NUBPL: variants seen among roughly 807,000 people sequenced by gnomAD.
NUBPL encodes iron-sulfur cluster transfer protein NUBPL.
In NUBPL, 31 loss-of-function variants were observed where a neutral mutation model predicts 45.7. That is an observed-to-expected ratio of 0.68 (90% CI 0.51 to 0.92). NUBPL has a LOEUF of 0.92. Ranked by LOEUF, NUBPL falls within the 40% of genes least tolerant of loss-of-function variation. NUBPL has a pLI of 0.00. For synonymous variants in NUBPL, 144 were observed against 140.9 expected (o/e 1.02, Z -0.15); for missense variants, 401 against 398.7 (o/e 1.01, Z -0.05).
intron 4 of NUBPL, among the ~76,000 whole-genome samples, chr14:31,613,718 A>G (rs951330174): frequency 8.6e-5 from 13 of 152,044 alleles, no homozygotes; most frequent in Admixed American, 5.9e-4. Flanking sequence ...AGCCTCCCAA[A>G]GTGCTGGGAT....
At chr14:31,570,783 G>A (rs192979792) in intron 3 of NUBPL, among the ~76,000 whole-genome samples, 27 of 152,264 alleles carry the variant, frequency 1.8e-4, no homozygotes, top group African/African-American at 6.5e-4. Flanking sequence ...CCCAAGTGCT[G>A]TGTTAGTTCT....
chr14:31,793,258 T>C (rs1482679410), intron 7 of NUBPL, among the ~76,000 whole-genome samples: 8 of 152,138 alleles, frequency 5.3e-5, no homozygotes. Flanking sequence ...TCCTTTTACT[T>C]TCCAGAATAT....
At chr14:31,849,028 G>T (rs563097934) in intron 9 of NUBPL, among the ~76,000 whole-genome samples, 1 of 152,242 alleles carries the variant, frequency 6.6e-6, no homozygotes, top group African/African-American at 2.4e-5. Flanking sequence ...TTAATGAAAA[G>T]CTGATCCTTA....
At chr14:31,791,694 C>T (rs1430889570) in intron 7 of NUBPL, among the ~76,000 whole-genome samples, 3 of 152,042 alleles carry the variant, frequency 2.0e-5, no homozygotes, top group Admixed American at 2.0e-4. Context: ...GACATCTAAA[C>T]CCAGGCTATG....
intron 2 of NUBPL, 63 bp from the exon 3 acceptor site, chr14:31,564,951 G>A: frequency 1.2e-6 from 1 of 847,528 alleles, no homozygotes; most frequent in Non-Finnish European, 1.9e-6. Flanking sequence ...AATATTAAAA[G>A]ATAAAATGAA....
chr14:31,564,358 G>T (rs1422869527), intron 2 of NUBPL, among the ~76,000 whole-genome samples: 1 of 152,004 alleles, frequency 6.6e-6, no homozygotes, highest in Admixed American at 6.6e-5. Flanking sequence ...TTATGAATTA[G>T]ATACTTGGAA....
intron 4 of NUBPL, among the ~76,000 whole-genome samples, chr14:31,628,566 T>C (rs2035265905): frequency 6.6e-6 from 1 of 152,204 alleles, no homozygotes; most frequent in Non-Finnish European, 1.5e-5. Context: ...TCCAACTGTG[T>C]TCTTTGAAGT....
intron 7 of NUBPL, among the ~76,000 whole-genome samples, chr14:31,807,290 C>T (rs549877289): frequency 6.6e-6 from 1 of 152,144 alleles, no homozygotes; most frequent in African/African-American, 2.4e-5. Context: ...TCTGTTGTTT[C>T]CTGACTTTTT....
chr14:31,647,179 C>G (rs943773726), intron 4 of NUBPL, among the ~76,000 whole-genome samples: 3 of 152,138 alleles, frequency 2.0e-5, no homozygotes, highest in African/African-American at 4.8e-5. Context: ...CAAAAACTCA[C>G]ATTTAGCCAT....
rs147811745 is a variant in NUBPL, at chr14:31,594,939, T to C, written c.292-4350T>C. The stretch of plus-strand genomic sequence containing the variant: ...AAGTACAACTTTTAGGTAGGTCTTA[T>C]TTAGAAATAATTGGGTGGGAACGTT... On this transcript the variant is annotated intron_variant, in intron 3 of 10. Transcript: ENST00000281081. Among the ~76,000 whole-genome samples the C allele has an allele frequency of 2.0e-5, 3 of 152,336 alleles. No individual in the cohort carries two copies. In the East Asian group the frequency reaches 5.8e-4, roughly 29 times the overall value.
chr14:31,795,278 G>T (rs1246437306), intron 7 of NUBPL, among the ~76,000 whole-genome samples: 11,519 of 95,646 alleles, frequency 0.12, no homozygotes, highest in Non-Finnish European at 0.18. Flanking sequence ...GAAAGTCATT[G>T]GTAGCTTGAT....
chr14:31,830,028 G>A lies in NUBPL; in HGVS notation c.693+3314G>A, dbSNP rs552992264. Among the ~76,000 whole-genome samples, 88 of 152,150 alleles carry A rather than the reference G, an allele frequency of 5.8e-4. No homozygotes were observed. The South Asian group carries it at 8.3e-3, about 14-fold the overall frequency. On this transcript the variant is annotated intron_variant, in intron 8 of 10. Transcript: ENST00000281081. ...TATATGTGGGAGTCCCAGGCACCCC[G>A]ATCTGGAGCCCTTCTCCTACCATTT... is the stretch of plus-strand genomic sequence containing the variant.
At chr14:31,563,029 T>G (rs2033341238) in intron 2 of NUBPL, 1 of 152,778 alleles carries the variant, frequency 6.5e-6, no homozygotes, top group African/African-American at 2.4e-5. Flanking sequence ...CCATTACTAT[T>G]TGATAGATAC....
chr14:31,791,364 G>T (rs970709648), intron 7 of NUBPL, among the ~76,000 whole-genome samples: 3 of 152,110 alleles, frequency 2.0e-5, no homozygotes, highest in Non-Finnish European at 4.4e-5. Flanking sequence ...AATAAATTTT[G>T]ATTCATATGC....
At chr14:31,662,837 G>A (rs7142801) in intron 4 of NUBPL, among the ~76,000 whole-genome samples, 55,701 of 151,864 alleles carry the variant, frequency 0.37, 12,548 homozygotes, top group East Asian at 0.59. Flanking sequence ...TAATGGGATT[G>A]CTGGATCAAA....
intron 4 of NUBPL, among the ~76,000 whole-genome samples, chr14:31,638,218 A>C (rs1271995772): frequency 1.3e-5 from 2 of 152,010 alleles, no homozygotes; most frequent in African/African-American, 4.8e-5. Context: ...ATTTTGCAGC[A>C]GCTAGTACCG....
intron 10 of NUBPL, among the ~76,000 whole-genome samples, chr14:31,851,947 A>G (rs1179613953): frequency 6.6e-6 from 1 of 152,192 alleles, no homozygotes; most frequent in Non-Finnish European, 1.5e-5. Context: ...TTGAAGTTAG[A>G]GGAATGTAAT....
chr14:31,700,568 G>T (rs2037309390), intron 6 of NUBPL, among the ~76,000 whole-genome samples: 1 of 152,166 alleles, frequency 6.6e-6, no homozygotes, highest in Non-Finnish European at 1.5e-5. Context: ...TGGGAACCGA[G>T]GTTGCATGTG....
chr14:31,679,734 A>G (rs535344656), intron 6 of NUBPL, among the ~76,000 whole-genome samples: 7 of 152,206 alleles, frequency 4.6e-5, no homozygotes, highest in Non-Finnish European at 8.8e-5. Flanking sequence ...TGGCTGCTCT[A>G]GTTTCTTTTA....
Sources: gnomAD v4.1 joint callset for allele counts (sites outside exome capture counted in the v4.1 genomes callset) on GRCh38, gnomAD v4.1.1 for gene constraint, MANE v1.5 for transcripts, NCBI Gene and HGNC (gene_info 2026-07-23, HGNC 2026-07-21) for gene names.